The following PABPC4L variants were observed in gnomAD, a reference collection of about 807,000 sequenced individuals.
PABPC4L encodes the protein polyadenylate-binding protein 4-like.
For missense variants in PABPC4L, 452 were observed against 451.4 expected (o/e 1.00, Z -0.01); for synonymous variants, 169 against 164.1 (o/e 1.03, Z -0.23).
the PABPC4L span, among the ~76,000 whole-genome samples, chr4:134,136,240 C>CT: frequency 1.8e-3 from 271 of 152,180 alleles, 2 homozygotes; most frequent in African/African-American, 6.1e-3. Flanking sequence ...CACAGAGGTG[C>CT]TGTATTTATT....
chr4:134,174,498 A>ACCATGTTAT, the PABPC4L span, among the ~76,000 whole-genome samples: 1 of 152,136 alleles, frequency 6.6e-6, no homozygotes, highest in African/African-American at 2.4e-5. Flanking sequence ...GACCGCTATA[A>ACCATGTTAT]CCATGTTATG....
At chr4:134,094,673 C>A in the PABPC4L span, among the ~76,000 whole-genome samples, 9 of 151,598 alleles carry the variant, frequency 5.9e-5, no homozygotes, top group Non-Finnish European at 1.3e-4. Flanking sequence ...GTTTAAATCA[C>A]TAAAAACATT....
the PABPC4L span, among the ~76,000 whole-genome samples, chr4:133,981,652 T>A: frequency 6.6e-6 from 1 of 152,054 alleles, no homozygotes; most frequent in Non-Finnish European, 1.5e-5. Context: ...CTAGCATAAT[T>A]TGAAGCTGAA....
At chr4:134,127,709 GA>G in the PABPC4L span, among the ~76,000 whole-genome samples, 1 of 151,934 alleles carries the variant, frequency 6.6e-6, no homozygotes, top group African/African-American at 2.4e-5. Flanking sequence ...GAAAGAACCA[GA>G]AAAACGATTC....
At chr4:133,992,992 A>G in the PABPC4L span, among the ~76,000 whole-genome samples, 1 of 152,082 alleles carries the variant, frequency 6.6e-6, no homozygotes, top group Non-Finnish European at 1.5e-5. Context: ...TCGTGCTGGA[A>G]TCCAAGGAGG....
At chr4:134,175,392 CT>C in the PABPC4L span, among the ~76,000 whole-genome samples, 4 of 151,258 alleles carry the variant, frequency 2.6e-5, no homozygotes, top group South Asian at 2.1e-4. Context: ...ATGATCTGAC[CT>C]TTTTTTAATA....
the PABPC4L span, among the ~76,000 whole-genome samples, chr4:134,187,943 T>G: frequency 6.6e-6 from 1 of 152,136 alleles, no homozygotes; most frequent in East Asian, 1.9e-4. Context: ...TGCATTAATA[T>G]AGATGATGTT....
At position 134,200,638 on chromosome 4, in the gene PABPC4L, T is replaced by C; in HGVS notation, c.382A>G (p.Lys128Glu). ...GAGCCTTGATCATCACTCATCACCT[T>C]GGAGGAAAGGATCTTTCCAAAAGCT... ...FSAFGKILSS[K>E]VMSDDQGSKG... Residue 128 changes from lysine to glutamate, a missense_variant, in exon 2 of 2, where the codon AAG becomes GAG. Coordinates refer to ENST00000421491, the MANE Select transcript of PABPC4L (RefSeq NM_001114734.2). 1 of 1,551,658 alleles carries C rather than the reference T, an allele frequency of 6.4e-7. No homozygotes were observed. Among genetic ancestry groups the C allele is most frequent in the Non-Finnish European group, 8.7e-7 (1 of 1,146,972 alleles).
the PABPC4L span, among the ~76,000 whole-genome samples, chr4:134,106,519 A>G: frequency 6.6e-6 from 1 of 151,698 alleles, no homozygotes; most frequent in African/African-American, 2.4e-5. Flanking sequence ...CAAAAAGATA[A>G]TGATATAATC....
chr4:134,017,305 C>A, the PABPC4L span, among the ~76,000 whole-genome samples: 20 of 152,284 alleles, frequency 1.3e-4, no homozygotes, highest in African/African-American at 4.8e-4. Flanking sequence ...CGGAATGCTA[C>A]AGGGTACAGT....
At chr4:134,066,010 C>T in the PABPC4L span, among the ~76,000 whole-genome samples, 32 of 152,046 alleles carry the variant, frequency 2.1e-4, no homozygotes, top group Admixed American at 1.5e-3. Flanking sequence ...TTTTGTTCAA[C>T]TTGCAGTATA....
the PABPC4L span, among the ~76,000 whole-genome samples, chr4:134,018,686 C>A: frequency 2.0e-5 from 3 of 152,010 alleles, no homozygotes; most frequent in Non-Finnish European, 4.4e-5. Context: ...ACATTGTTTA[C>A]GTTCATTGAA....
At chr4:134,058,058 G>A in the PABPC4L span, among the ~76,000 whole-genome samples, 1 of 151,958 alleles carries the variant, frequency 6.6e-6, no homozygotes, top group Admixed American at 6.6e-5. Flanking sequence ...TAGGATCTAA[G>A]TGTCTAATAA....
chr4:134,138,495 A>G, the PABPC4L span, among the ~76,000 whole-genome samples: 2 of 151,740 alleles, frequency 1.3e-5, no homozygotes, highest in African/African-American at 4.8e-5. Context: ...ACTATTTTTA[A>G]TTACTGTTCA....
At chr4:134,072,784 G>A in the PABPC4L span, among the ~76,000 whole-genome samples, 1 of 152,046 alleles carries the variant, frequency 6.6e-6, no homozygotes, top group Non-Finnish European at 1.5e-5. Flanking sequence ...GAAAGGGGAA[G>A]CAAACACATC....
the PABPC4L span, among the ~76,000 whole-genome samples, chr4:134,056,826 T>G: frequency 6.6e-6 from 1 of 152,048 alleles, no homozygotes; most frequent in South Asian, 2.1e-4. Flanking sequence ...ACATCATTTA[T>G]AATAAGGACA....
At chr4:134,058,829 A>G in the PABPC4L span, among the ~76,000 whole-genome samples, 1 of 152,062 alleles carries the variant, frequency 6.6e-6, no homozygotes, top group Non-Finnish European at 1.5e-5. Context: ...ACCAAGGAAG[A>G]CAAAGAGAAT....
chr4:134,163,946 C>A, the PABPC4L span, among the ~76,000 whole-genome samples: 1 of 151,934 alleles, frequency 6.6e-6, no homozygotes, highest in Non-Finnish European at 1.5e-5. Flanking sequence ...ACAGAGATGC[C>A]CACTTTTACC....
chr4:134,173,778 T>C, the PABPC4L span, among the ~76,000 whole-genome samples: 1 of 152,120 alleles, frequency 6.6e-6, no homozygotes, highest in Non-Finnish European at 1.5e-5. Context: ...ATTACCCTGA[T>C]CTGAACATTA....
Sources: allele counts gnomAD v4.1 joint callset (sites outside exome capture counted in the v4.1 genomes callset), GRCh38; gene constraint gnomAD v4.1.1; transcripts MANE v1.5; gene names NCBI Gene and HGNC (gene_info 2026-07-23, HGNC 2026-07-21).